BNC2: variants seen among roughly 807,000 people sequenced by gnomAD.
BNC2 encodes zinc finger protein basonuclin-2.
A neutral mutation model predicts 76.3 loss-of-function variants in BNC2; 20 were observed. The observed-to-expected ratio is 0.26, with a 90% CI of 0.18 to 0.38. BNC2 has a LOEUF of 0.38. BNC2 is among the 10% of genes least tolerant of loss of function. The pLI is 1.00. For missense variants in BNC2, 1,382 were observed against 1,399.8 expected, an observed-to-expected ratio of 0.99 and a Z score of 0.20; for synonymous variants, 582 against 514.8, an observed-to-expected ratio of 1.13 and a Z score of -1.77.
At chr9:16,526,194 T>C (rs1379023885) in intron 5 of BNC2, among the ~76,000 whole-genome samples, 1 of 152,118 alleles carries the variant, frequency 6.6e-6, no homozygotes, top group Non-Finnish European at 1.5e-5. Context: ...AAGGAACACA[T>C]ACATACACAT....
In BNC2 at chr9:16,434,505, C is replaced by A. The variant is rs533027886; in HGVS notation, c.2639+1050G>T. 3.3e-5 allele frequency among the ~76,000 whole-genome samples: 5 copies of A among 152,284 alleles called. No individual in the cohort carries two copies. In the South Asian group the frequency reaches 1.0e-3, roughly 32 times the overall value. ...TTAGAAGACAATGTAGAACCAAAAACCGCATCTGATATAATGGGAATAACT... is the reference window on the plus strand; with the variant it reads ...TTAGAAGACAATGTAGAACCAAAAAACGCATCTGATATAATGGGAATAACT... On this transcript the variant is annotated intron_variant, in intron 6 of 6. Transcript: ENST00000380672.
chr9:16,499,801 G>C (rs1318586126), intron 5 of BNC2, among the ~76,000 whole-genome samples: 1 of 151,934 alleles, frequency 6.6e-6, no homozygotes, highest in Non-Finnish European at 1.5e-5. Context: ...AAAGTGCTGG[G>C]ATTACAGGCA....
chr9:16,807,063 A>T (rs1466230333), intron 1 of BNC2, among the ~76,000 whole-genome samples: 1 of 152,218 alleles, frequency 6.6e-6, no homozygotes, highest in East Asian at 1.9e-4. Flanking sequence ...TTTCTTGACT[A>T]ATATCATGAT....
At chr9:16,420,783 C>G (rs1587007609) in intron 6 of BNC2, among the ~76,000 whole-genome samples, 2 of 152,016 alleles carry the variant, frequency 1.3e-5, no homozygotes, top group Admixed American at 1.3e-4. Flanking sequence ...GATATGTTAT[C>G]ATCTATCTGG....
At chr9:16,648,591 A>T (rs1013440886) in intron 3 of BNC2, among the ~76,000 whole-genome samples, 1 of 152,240 alleles carries the variant, frequency 6.6e-6, no homozygotes, top group African/African-American at 2.4e-5. Context: ...ATGAGGACAG[A>T]ACTTATCATG....
intron 1 of BNC2, chr9:16,867,897 A>C (rs2136238344): frequency 6.6e-6 from 1 of 152,282 alleles, no homozygotes; most frequent in Admixed American, 6.5e-5. Context: ...GTGGAGAACT[A>C]AGCAGACCTG....
intron 3 of BNC2, among the ~76,000 whole-genome samples, chr9:16,621,949 T>C (rs904700427): frequency 1.3e-5 from 2 of 152,206 alleles, no homozygotes; most frequent in African/African-American, 4.8e-5. Context: ...CTTTTTACTT[T>C]TGTAGTGTGG....
At chr9:16,713,788 T>G (rs1823918984) in intron 3 of BNC2, among the ~76,000 whole-genome samples, 1 of 152,144 alleles carries the variant, frequency 6.6e-6, no homozygotes, top group African/African-American at 2.4e-5. Flanking sequence ...ACTTACTCAA[T>G]TTTGGCTGGG....
intron 1 of BNC2, among the ~76,000 whole-genome samples, chr9:16,824,578 G>C (rs754510243): frequency 3.3e-5 from 5 of 152,148 alleles, no homozygotes; most frequent in Non-Finnish European, 7.3e-5. Flanking sequence ...TCCAGCAGGA[G>C]TGATGACTGA....
At chr9:16,798,670 G>C (rs1004489503) in intron 1 of BNC2, among the ~76,000 whole-genome samples, 1 of 152,076 alleles carries the variant, frequency 6.6e-6, no homozygotes, top group East Asian at 1.9e-4. Context: ...ACAGCAGGCA[G>C]GTAAATTTTT....
At chr9:16,702,054 T>C (rs551694144) in intron 3 of BNC2, among the ~76,000 whole-genome samples, 21 of 152,182 alleles carry the variant, frequency 1.4e-4, no homozygotes, top group Middle Eastern at 3.4e-3. Context: ...AAGAAGCACA[T>C]TATTTTGCTC....
chr9:16,657,397 A>T (rs1821960592), intron 3 of BNC2, among the ~76,000 whole-genome samples: 1 of 152,224 alleles, frequency 6.6e-6, no homozygotes, highest in Non-Finnish European at 1.5e-5. Flanking sequence ...AAGTAAAAAA[A>T]ACAGAAACGC....
intron 3 of BNC2, among the ~76,000 whole-genome samples, chr9:16,656,389 G>C (rs540280371): frequency 5.4e-4 from 82 of 152,300 alleles, no homozygotes; most frequent in African/African-American, 1.7e-3. Flanking sequence ...ACTGATGGTA[G>C]GATTCGGGGG....
At chr9:16,703,234 A>C (rs1245859391) in intron 3 of BNC2, among the ~76,000 whole-genome samples, 1 of 152,210 alleles carries the variant, frequency 6.6e-6, no homozygotes, top group Non-Finnish European at 1.5e-5. Flanking sequence ...AACTTCAGAT[A>C]ATCTAAATGT....
intron 5 of BNC2, among the ~76,000 whole-genome samples, chr9:16,487,669 A>G (rs1006913063): frequency 5.3e-5 from 8 of 152,236 alleles, no homozygotes; most frequent in African/African-American, 1.9e-4. Context: ...CTATCTTCAG[A>G]AACAATAATT....
At position 16,436,467 on chromosome 9, in the gene BNC2, A is replaced by G. The variant is rs1434147342; in HGVS notation, c.1727T>C (p.Leu576Ser). The G allele has an allele frequency of 6.2e-7, 1 of 1,613,956 alleles. No homozygotes were observed. Among genetic ancestry groups the G allele is most frequent in the Non-Finnish European group, 8.5e-7 (1 of 1,180,010 alleles). The change falls in exon 6 of 7, where the codon TTA (leucine) becomes TCA (serine). Residue 576 changes from leucine to serine, a missense_variant. Coordinates refer to ENST00000380672, the MANE Select transcript of BNC2 (RefSeq NM_017637.6). Reference sequence around the variant, plus strand: ...ACTCACCATTTCCCCTGGAGTGAGTAAACTTCTATAAAATGGAGGAACTGG... The same window carrying G: ...ACTCACCATTTCCCCTGGAGTGAGTGAACTTCTATAAAATGGAGGAACTGG... ...VQPVPPFYRSLLTPGEMVSPP... is the reference protein window; with the variant it reads ...VQPVPPFYRSSLTPGEMVSPP...
At chr9:16,601,009 A>G (rs1045272600) in intron 3 of BNC2, among the ~76,000 whole-genome samples, 1 of 152,206 alleles carries the variant, frequency 6.6e-6, no homozygotes, top group African/African-American at 2.4e-5. Flanking sequence ...TATTATTTAA[A>G]CATCTTGGAA....
chr9:16,600,231 T>A (rs1400110395), intron 3 of BNC2, among the ~76,000 whole-genome samples: 1 of 152,194 alleles, frequency 6.6e-6, no homozygotes, highest in Non-Finnish European at 1.5e-5. Context: ...GAGTGAATCA[T>A]AAATAGATAA....
At chr9:16,850,002 G>GC (rs533911164) in intron 1 of BNC2, among the ~76,000 whole-genome samples, 3 of 152,018 alleles carry the variant, frequency 2.0e-5, no homozygotes, top group African/African-American at 4.8e-5. Flanking sequence ...ATTTGTTTAT[G>GC]CCCCCCACAC....
Sources: allele counts gnomAD v4.1 joint callset (sites outside exome capture counted in the v4.1 genomes callset), GRCh38; gene constraint gnomAD v4.1.1; transcripts MANE v1.5; gene names NCBI Gene and HGNC (gene_info 2026-07-23, HGNC 2026-07-21).